Variants in TTC7B observed in about 807,000 individuals in gnomAD.
TTC7B encodes the protein tetratricopeptide repeat protein 7B.
In TTC7B, 28 loss-of-function variants were observed where a neutral mutation model predicts 106.8. That is an observed-to-expected ratio of 0.26 (90% CI 0.19 to 0.36). The LOEUF (loss-of-function observed/expected upper bound fraction) is 0.36, where lower values mean the gene tolerates loss of function less well. Among genes scored for constraint, TTC7B ranks in the 10% least tolerant of loss-of-function variants. The pLI is 1.00. For missense variants in TTC7B, 862 were observed against 1,076.4 expected, an observed-to-expected ratio of 0.80 and a Z score of 2.79; for synonymous variants, 405 against 430.6, an observed-to-expected ratio of 0.94 and a Z score of 0.74.
rs1889459521 is a variant in TTC7B, at chr14:90,538,046, G to A, written c.*3322C>T. The A allele has an allele frequency of 6.6e-6, 1 of 152,234 alleles. No individual in the cohort carries two copies. Among genetic ancestry groups the A allele is most frequent in the African/African-American group, 2.4e-5 (1 of 41,466 alleles). 9.4% of individuals were successfully genotyped at this position (152,234 alleles called of 1,614,324 possible). ...CTAAGTTAGGGTCAGCACTAGTCCT[G>A]GAATCAAACGCGGCATCTCCTGCAT... On this transcript the variant is annotated 3_prime_UTR_variant, in exon 20 of 20. Transcript: ENST00000328459.
chr14:90,661,297 A>C (rs1366298902), intron 9 of TTC7B, among the ~76,000 whole-genome samples: 3 of 152,218 alleles, frequency 2.0e-5, no homozygotes, highest in African/African-American at 7.2e-5. Context: ...TCTGAACCTG[A>C]ACCCAGGGCC....
At position 90,807,480 on chromosome 14, in the gene TTC7B, T is replaced by C. The variant is rs1280889848; in HGVS notation, c.121+8695A>G. On this transcript the variant is annotated intron_variant, in intron 1 of 19. Coordinates refer to ENST00000328459, the MANE Select transcript of TTC7B (RefSeq NM_001010854.2). This position sits in a 1 kb window ranked among gnomAD's most constrained non-coding sequence, Gnocchi z 4.1. Reference sequence around the variant, plus strand: ...CTGAAGCAGAAGCTCAGGCCCAGCCTGCCCATCTGAGTTGCTAACTAGCCC... The same window carrying C: ...CTGAAGCAGAAGCTCAGGCCCAGCCCGCCCATCTGAGTTGCTAACTAGCCC... Among the ~76,000 whole-genome samples the C allele has an allele frequency of 6.6e-6, 1 of 152,204 alleles. No homozygotes were observed. The highest frequency in any genetic ancestry group is 1.5e-5 in the Non-Finnish European group (1 of 68,030).
rs1348716646 is a variant in TTC7B at position 90,539,112 on chromosome 14, G to A, written c.*2256C>T. 1.3e-5 allele frequency: 2 copies of A among 152,234 alleles called. No homozygotes were observed. The highest frequency in any genetic ancestry group is 4.8e-5 in the African/African-American group (2 of 41,442). The allele number at this position is 152,234 out of a possible 1,614,324, so 9.4% of individuals were successfully genotyped here. A position where few individuals can be genotyped will look rare whatever the true frequency, so the allele number is the denominator to read the frequency against. ...ACCAGTCACTGATACTGGGGAGCTG[G>A]AGGGCTCTGGTTGTTAAGGCTGGGC... is the stretch of plus-strand genomic sequence containing the variant. On this transcript the variant is annotated 3_prime_UTR_variant, in exon 20 of 20. Transcript: ENST00000328459.
At chr14:90,728,439 G>C (rs75218988) in intron 5 of TTC7B, among the ~76,000 whole-genome samples, 10,719 of 150,158 alleles carry the variant, frequency 0.071, 574 homozygotes, top group African/African-American at 0.15. Context: ...CAAGAGAAGA[G>C]AAAAAGCTTC....
chr14:90,605,590 T>C (rs1298073814), intron 17 of TTC7B: 3 of 1,278,072 alleles, frequency 2.3e-6, no homozygotes, highest in Admixed American at 2.5e-5. Context: ...GGAAAAACCA[T>C]GTTTACAGAG....
intron 4 of TTC7B, among the ~76,000 whole-genome samples, chr14:90,741,391 C>T (rs1481391443): frequency 6.6e-6 from 1 of 152,170 alleles, no homozygotes; most frequent in Non-Finnish European, 1.5e-5. Context: ...AGTTAAACGC[C>T]AGGACTAATA....
chr14:90,774,424 G>C (rs2140029329), intron 3 of TTC7B, among the ~76,000 whole-genome samples: 1 of 152,356 alleles, frequency 6.6e-6, no homozygotes, highest in Middle Eastern at 3.4e-3. Context: ...TGGGCGGTCA[G>C]CGCTGCATAC....
At position 90,578,192 on chromosome 14, in the gene TTC7B, G is replaced by T. The variant is rs140726085; in HGVS notation, c.2224C>A (p.Leu742Ile). Reference protein sequence around the residue: ...VLYMRGQIAELRGSMDEARRW... With the variant: ...VLYMRGQIAEIRGSMDEARRW... Reference sequence around the variant, plus strand: ...CGCGCCTCGTCCATGCTTCCCCGGAGCTCAGCAATCTGGCCGCGCATGTAG... The same window carrying T: ...CGCGCCTCGTCCATGCTTCCCCGGATCTCAGCAATCTGGCCGCGCATGTAG... Residue 742 changes from leucine to isoleucine, a missense_variant, in exon 19 of 20, where the codon CTC becomes ATC. Coordinates refer to ENST00000328459, the MANE Select transcript of TTC7B (RefSeq NM_001010854.2). The surrounding 1 kb of genome is among the most constrained non-coding windows in gnomAD (Gnocchi z 4.7). 10,399 of 1,614,154 alleles carry T rather than the reference G, an allele frequency of 6.4e-3. 37 individuals are homozygous for T. The highest frequency in any genetic ancestry group is 8.1e-3 in the Non-Finnish European group (9,613 of 1,180,026).
chr14:90,629,253 T>C (rs200107042), intron 15 of TTC7B, among the ~76,000 whole-genome samples: 3 of 149,708 alleles, frequency 2.0e-5, no homozygotes, highest in African/African-American at 7.4e-5. Flanking sequence ...TTTTTTTTTC[T>C]TTTTTTTTAA....
chr14:90,759,784 G>A lies in TTC7B; in HGVS notation c.446-14862C>T, dbSNP rs74634519. 0.017 allele frequency among the ~76,000 whole-genome samples: 2,618 copies of A among 152,324 alleles called. 34 individuals are homozygous for A. The highest frequency in any genetic ancestry group is 0.037 in the Middle Eastern group (11 of 294). The stretch of plus-strand genomic sequence containing the variant: ...GCCCTTTTGCTTAGGCACCTTGTGT[G>A]TTATTCAGCTAGAGTTTATCTTCAA... On this transcript the variant is annotated intron_variant, in intron 3 of 19. Coordinates refer to ENST00000328459, the MANE Select transcript of TTC7B (RefSeq NM_001010854.2). This position sits in a 1 kb window ranked among gnomAD's most constrained non-coding sequence, Gnocchi z 4.1.
Position 90,676,648 on chromosome 14 carries a change from C to T in TTC7B, c.1027G>A (p.Ala343Thr). 1 of 1,613,858 alleles carries T rather than the reference C, an allele frequency of 6.2e-7. No homozygotes were observed. Among genetic ancestry groups the T allele is most frequent in the Non-Finnish European group, 8.5e-7 (1 of 1,179,878 alleles). Residue 343 changes from alanine (A) to threonine (T), a missense_variant, in exon 9 of 20, where the codon GCT becomes ACT. By Grantham distance (58) the Ala-to-Thr change is moderately conservative. Transcript: ENST00000328459. ...TGTTCAGGTATCCTGCTCAGCACAG[C>T]GTCCCGGTTGGCCTGAAAAAACATG... is the stretch of plus-strand genomic sequence containing the variant. ...LISESMANRD[A>T]VLSRIPEHKS... is the part of the protein sequence containing the mutation.
chr14:90,645,720 T>C (rs113546957), intron 14 of TTC7B, among the ~76,000 whole-genome samples: 1 of 152,278 alleles, frequency 6.6e-6, no homozygotes, highest in Non-Finnish European at 1.5e-5. Flanking sequence ...GACAAACTGA[T>C]ACAGGGATCA....
At chr14:90,765,411 G>A (rs529499764) in intron 3 of TTC7B, among the ~76,000 whole-genome samples, 39 of 152,266 alleles carry the variant, frequency 2.6e-4, no homozygotes, top group African/African-American at 9.4e-4. Context: ...GCACAACTCT[G>A]AATATACTAA....
intron 1 of TTC7B, among the ~76,000 whole-genome samples, chr14:90,812,299 G>A (rs1435629373): frequency 6.6e-6 from 1 of 152,168 alleles, no homozygotes; most frequent in Non-Finnish European, 1.5e-5. Context: ...TTGGGAGGCT[G>A]GAGGGTGACA....
intron 3 of TTC7B, chr14:90,767,087 C>T: frequency 1.6e-6 from 1 of 642,666 alleles, no homozygotes; most frequent in South Asian, 2.0e-5. Flanking sequence ...GGTGCAGTAG[C>T]TCACACCTGT....
intron 19 of TTC7B, among the ~76,000 whole-genome samples, chr14:90,565,274 A>G (rs1890742664): frequency 6.6e-6 from 1 of 152,070 alleles, no homozygotes; most frequent in Non-Finnish European, 1.5e-5. Context: ...CTGGAATAGC[A>G]CTTTTAATTT....
Position 90,805,013 on chromosome 14 carries a change from A to G in TTC7B, c.121+11162T>C, listed in dbSNP as rs2030521206. On this transcript the variant is annotated intron_variant, in intron 1 of 19. Coordinates refer to ENST00000328459, the MANE Select transcript of TTC7B (RefSeq NM_001010854.2). This position sits in a 1 kb window ranked among gnomAD's most constrained non-coding sequence, Gnocchi z 4.0. ...GGGCATTCCGTCAGCCCCGCCAGCA[A>G]GCCAGGACTCACCCGGAGCCCCAGG... 6.6e-6 allele frequency among the ~76,000 whole-genome samples: 1 copy of G among 152,154 alleles called. No homozygotes were observed. Among genetic ancestry groups the G allele is most frequent in the Non-Finnish European group, 1.5e-5 (1 of 68,016 alleles).
rs1158529463 is a variant in TTC7B at position 90,570,458 on chromosome 14, A to T, written c.2310+7648T>A. Among the ~76,000 whole-genome samples, 1 of 152,150 alleles carries T rather than the reference A, an allele frequency of 6.6e-6. No individual in the cohort carries two copies. The highest frequency in any genetic ancestry group is 1.5e-5 in the Non-Finnish European group (1 of 68,024). On this transcript the variant is annotated intron_variant, in intron 19 of 19. Transcript: ENST00000328459. The surrounding 1 kb of genome is among the most constrained non-coding windows in gnomAD (Gnocchi z 4.0). ...CAACACTTTCTATCTCCGCCTAGGA[A>T]CAAATCACCCCAGGGGCCTCCACCA...
At chr14:90,642,909 G>A (rs1267922069) in intron 15 of TTC7B, among the ~76,000 whole-genome samples, 1 of 151,834 alleles carries the variant, frequency 6.6e-6, no homozygotes, top group East Asian at 1.9e-4. Flanking sequence ...GAAGCCCTCA[G>A]TAACTCAGGA....
Sources: gnomAD v4.1 joint callset for allele counts (sites outside exome capture counted in the v4.1 genomes callset) on GRCh38, gnomAD v4.1.1 for gene constraint, Gnocchi (gnomAD v3.1) non-coding constraint, MANE v1.5 for transcripts, NCBI Gene and HGNC (gene_info 2026-07-23, HGNC 2026-07-21) for gene names.